The following SYNE1 variants were observed in gnomAD, a reference collection of about 807,000 sequenced individuals.
SYNE1 encodes spectrin repeat containing nuclear envelope protein 1, also known as nesprin-1.
A neutral mutation model predicts 1,111.0 loss-of-function variants in SYNE1; 616 were observed. That is an observed-to-expected ratio of 0.55 (90% CI 0.52 to 0.59). The LOEUF (loss-of-function observed/expected upper bound fraction) is 0.59. Ranked by LOEUF, SYNE1 falls within the 20% of genes least tolerant of loss-of-function variation. The pLI is 0.00. For synonymous variants in SYNE1, 3,855 were observed against 3,825.8 expected (o/e 1.01, Z -0.28); for missense variants, 10,006 against 10,417.0 (o/e 0.96, Z 1.72).
chr6:152,466,121 C>A, intron 16 of SYNE1, 43 bp from the exon 17 acceptor site: 1 of 1,297,862 alleles, frequency 7.7e-7, no homozygotes, highest in Middle Eastern at 1.9e-4. Context: ...ACATTAGGCT[C>A]ATGTAGAATG....
In SYNE1 at chr6:152,333,977, T is replaced by C. The variant is rs376038763; in HGVS notation, c.12794+31A>G. 1.1e-5 allele frequency: 17 copies of C among 1,613,934 alleles called. No individual in the cohort carries two copies. In the African/African-American group the frequency reaches 2.0e-4, roughly 19 times the overall value. ...ATATTAAGAAATGTCTGGCTTAGCA[T>C]TTTGGTGACCCATGGGAGAATTTCT... On this transcript the variant is annotated intron_variant, in intron 77 of 145. Coordinates refer to ENST00000367255, the MANE Select transcript of SYNE1 (RefSeq NM_182961.4).
chr6:152,312,321 T>C (rs916014776), intron 87 of SYNE1, among the ~76,000 whole-genome samples: 3 of 150,714 alleles, frequency 2.0e-5, no homozygotes, highest in Non-Finnish European at 4.4e-5. Flanking sequence ...GCGATTCTCC[T>C]GCCTCAGCTT....
intron 32 of SYNE1, among the ~76,000 whole-genome samples, chr6:152,439,363 G>T (rs911823945): frequency 1.3e-5 from 2 of 151,984 alleles, no homozygotes; most frequent in Non-Finnish European, 2.9e-5. Context: ...TTTATAAAAG[G>T]CACCTGATAC....
At chr6:152,172,806 T>C (rs1206256857) in intron 130 of SYNE1, among the ~76,000 whole-genome samples, 1 of 152,156 alleles carries the variant, frequency 6.6e-6, no homozygotes, top group African/African-American at 2.4e-5. Flanking sequence ...TCTAGGCCAC[T>C]GCTGAACAAC....
chr6:152,426,394 A>G (rs535855559), intron 38 of SYNE1, among the ~76,000 whole-genome samples: 57 of 152,344 alleles, frequency 3.7e-4, no homozygotes, highest in African/African-American at 1.3e-3. Flanking sequence ...TGCTGGGTAC[A>G]AGGGAAAGAA....
In SYNE1 at chr6:152,563,138, C is replaced by T. The variant is rs1048104950; in HGVS notation, c.68-23117G>A. ...ACAATAACAAAATAGTACCTTTTAT[C>T]ATACCCGGAGTCTTGTAGATTGTTT... On this transcript the variant is annotated intron_variant, in intron 3 of 145. Coordinates refer to ENST00000367255, the MANE Select transcript of SYNE1 (RefSeq NM_182961.4). Among the ~76,000 whole-genome samples, 5 of 152,094 alleles carry T rather than the reference C, an allele frequency of 3.3e-5. No individual in the cohort carries two copies. The South Asian group carries it at 8.3e-4, about 25-fold the overall frequency.
chr6:152,474,438 T>C (rs950752985), intron 14 of SYNE1, among the ~76,000 whole-genome samples: 7 of 152,176 alleles, frequency 4.6e-5, no homozygotes, highest in African/African-American at 1.7e-4. Flanking sequence ...ACACCACTGC[T>C]GAGAGAGATT....
intron 3 of SYNE1, among the ~76,000 whole-genome samples, chr6:152,564,392 C>G (rs1490458413): frequency 6.6e-6 from 1 of 152,202 alleles, no homozygotes; most frequent in Non-Finnish European, 1.5e-5. Flanking sequence ...TCTCGGCTCA[C>G]TATAGCCTCA....
chr6:152,192,521 G>T (rs1011814435), intron 127 of SYNE1, among the ~76,000 whole-genome samples: 3 of 152,016 alleles, frequency 2.0e-5, no homozygotes, highest in African/African-American at 4.8e-5. Flanking sequence ...ACCTAGGCTG[G>T]AGTGCAGTGG....
In SYNE1 at chr6:152,227,819, C is replaced by T. The variant is rs993828917; in HGVS notation, c.21196-1943G>A. On this transcript the variant is annotated intron_variant, in intron 115 of 145. Transcript: ENST00000367255. ...CACGTATGTTGGTAGAAGAGCAAAA[C>T]CCATGAGGGAAACAGGGCTGAAATA... Among the ~76,000 whole-genome samples, 3 of 151,866 alleles carry T rather than the reference C, an allele frequency of 2.0e-5. No homozygotes were observed. The East Asian group carries it at 5.8e-4, about 29-fold the overall frequency.
Position 152,132,229 on chromosome 6 carries a change from G to T in SYNE1, c.26002-15C>A, listed in dbSNP as rs2055929296. ...GAAGACAAATCCTATGTGGGAGAAAGATTCTTTTAACAACTCCATGTCCCA... is the reference window on the plus strand; with the variant it reads ...GAAGACAAATCCTATGTGGGAGAAATATTCTTTTAACAACTCCATGTCCCA... On this transcript the variant is annotated splice_polypyrimidine_tract_variant and intron_variant, in intron 143 of 145. Transcript: ENST00000367255. The T allele has an allele frequency of 6.2e-7, 1 of 1,612,740 alleles. No individual in the cohort carries two copies. The highest frequency in any genetic ancestry group is 1.3e-5 in the African/African-American group (1 of 74,858).
chr6:152,463,644 A>G (rs530519395), intron 18 of SYNE1, 127 bp from the exon 19 acceptor site: 43 of 863,918 alleles, frequency 5.0e-5, no homozygotes, highest in Non-Finnish European at 7.5e-5. Flanking sequence ...TAAATCACAA[A>G]TCTCTTTAAA....
At chr6:152,213,508 C>T in intron 123 of SYNE1, 104 bp downstream of exon 123, 1 of 1,302,432 alleles carries the variant, frequency 7.7e-7, no homozygotes, top group Non-Finnish European at 1.1e-6. Flanking sequence ...CATTTAGACA[C>T]TCGTGCAAAG....
intron 3 of SYNE1, among the ~76,000 whole-genome samples, chr6:152,603,778 ATCTC>A (rs2099601894): frequency 2.2e-5 from 3 of 135,032 alleles, no homozygotes; most frequent in Admixed American, 1.5e-4. Context: ...ATATAAACTC[ATCTC>A]TCTATTTATT....
At chr6:152,334,364 C>T (rs1032063773) in intron 76 of SYNE1, 91 bp from the exon 77 acceptor site, 13 of 1,382,550 alleles carry the variant, frequency 9.4e-6, no homozygotes, top group Middle Eastern at 2.2e-4. Flanking sequence ...CCTTTAAACA[C>T]TCTAAGTTCC....
intron 139 of SYNE1, 126 bp downstream of exon 139, chr6:152,141,077 G>C: frequency 1.5e-6 from 2 of 1,359,956 alleles, no homozygotes; most frequent in Non-Finnish European, 2.1e-6. Context: ...TTATAACTTG[G>C]AAGGAAGTTC....
intron 27 of SYNE1, among the ~76,000 whole-genome samples, chr6:152,450,129 G>C (rs1254644854): frequency 6.6e-6 from 1 of 152,196 alleles, no homozygotes; most frequent in African/African-American, 2.4e-5. Context: ...CGCTGCTGCT[G>C]TTCTCATGAT....
At chr6:152,199,839 A>C (rs11967756) in intron 127 of SYNE1, among the ~76,000 whole-genome samples, 10,397 of 152,272 alleles carry the variant, frequency 0.068, 425 homozygotes, top group African/African-American at 0.12. Flanking sequence ...GGGGAAGAGT[A>C]GCAGGACTAG....
chr6:152,520,316 T>C (rs1044539207), intron 6 of SYNE1, 143 bp downstream of exon 6: 13 of 860,126 alleles, frequency 1.5e-5, no homozygotes, highest in Non-Finnish European at 2.4e-5. Context: ...CTAAGAGTAT[T>C]TTATAATACA....
Sources: allele counts gnomAD v4.1 joint callset (sites outside exome capture counted in the v4.1 genomes callset), GRCh38; gene constraint gnomAD v4.1.1; transcripts MANE v1.5; gene names NCBI Gene and HGNC (gene_info 2026-07-23, HGNC 2026-07-21).